The following RPL30 variants were observed in gnomAD, a reference collection of about 807,000 sequenced individuals.
The protein encoded by RPL30 is ribosomal protein L30.
For synonymous variants in RPL30, 40 were observed against 50.4 expected (o/e 0.79, Z 0.87); for missense variants, 60 against 138.0 (o/e 0.43, Z 2.83).
In RPL30 at chr8:98,045,325, G is replaced by C. The variant is rs764702613; in HGVS notation, c.21+22C>G. 8 of 1,614,094 alleles carry C rather than the reference G, an allele frequency of 5.0e-6. No homozygotes were observed. The Middle Eastern group carries it at 6.6e-4, about 133-fold the overall frequency. On this transcript the variant is annotated intron_variant, in intron 2 of 4. Coordinates refer to ENST00000287038, the MANE Select transcript of RPL30 (RefSeq NM_000989.4). Reference sequence around the variant, plus strand: ...CATCTCTCCACGTGAATCGTCTTCCGGGCCTGGCCCGCCTCACTCACCGTC... The same window carrying C: ...CATCTCTCCACGTGAATCGTCTTCCCGGCCTGGCCCGCCTCACTCACCGTC...
chr8:98,045,367 TCTTC>T lies in RPL30; in HGVS notation c.-4_-1del. 1 of 1,614,126 alleles carries T rather than the reference TCTTC, an allele frequency of 6.2e-7. No homozygotes were observed. Among genetic ancestry groups the T allele is most frequent in the Non-Finnish European group, 8.5e-7 (1 of 1,180,014 alleles). On this transcript the variant is annotated 5_prime_UTR_variant, in exon 2 of 5. Coordinates refer to ENST00000287038, the MANE Select transcript of RPL30 (RefSeq NM_000989.4). ...CTCACCGTCTTCTTTGCGGCCACCA[TCTTC>T]CTGCCTTAGGAGCGGGACGGCCCCC... is the stretch of plus-strand genomic sequence containing the variant.
chr8:98,045,169 G>GC, intron 2 of RPL30, 81 bp from the exon 3 acceptor site: 1 of 1,569,076 alleles, frequency 6.4e-7, no homozygotes, highest in Non-Finnish European at 8.7e-7. Context: ...TTGAAGCCGA[G>GC]CCCCTTAAAC....
rs1165592447 is a variant in RPL30, at chr8:98,044,279, C to G, written c.167+664G>C. 7 of 152,224 alleles carry G rather than the reference C, an allele frequency of 4.6e-5. No homozygotes were observed. In the East Asian group the frequency reaches 1.3e-3, roughly 29 times the overall value. 9.4% of individuals were successfully genotyped at this position (152,224 alleles called of 1,614,324 possible). ...GTTTCAAAGAATGGTTAGGGAAAAGCCGAACCCATGGGACAAGACAGAAAG... is the reference window on the plus strand; with the variant it reads ...GTTTCAAAGAATGGTTAGGGAAAAGGCGAACCCATGGGACAAGACAGAAAG... On this transcript the variant is annotated intron_variant, in intron 3 of 4. Transcript: ENST00000287038.
At chr8:98,045,159 T>C (rs1021613577) in intron 2 of RPL30, 71 bp from the exon 3 acceptor site, 5 of 1,577,124 alleles carry the variant, frequency 3.2e-6, no homozygotes, top group Admixed American at 3.7e-5. Flanking sequence ...ACCCAGCTTT[T>C]TGAAGCCGAG....
chr8:98,044,848 C>A lies in RPL30; in HGVS notation c.167+95G>T, dbSNP rs1814447324. 4 of 1,327,564 alleles carry A rather than the reference C, an allele frequency of 3.0e-6. No homozygotes were observed. The South Asian group carries it at 5.5e-5, about 18-fold the overall frequency. 82.2% of individuals were successfully genotyped at this position (1,327,564 alleles called of 1,614,324 possible). On this transcript the variant is annotated intron_variant, in intron 3 of 4. Coordinates refer to ENST00000287038, the MANE Select transcript of RPL30 (RefSeq NM_000989.4). ...CTACCGTAATTATCCTGCAAGTGTT[C>A]GAGTTCATGGTACTCAGATTACAAG...
In RPL30 at chr8:98,042,600, T is replaced by C. The variant is rs191992434; in HGVS notation, c.298+45A>G. On this transcript the variant is annotated intron_variant, in intron 4 of 4. Transcript: ENST00000287038. ...AGAAATACTTGTCCAGACATTACAT[T>C]AGAAAGGCAAAAAAAAAAAAGACTT... The C allele has an allele frequency of 8.2e-6, 12 of 1,470,400 alleles. No individual in the cohort carries two copies. The East Asian group carries it at 1.6e-4, about 20-fold the overall frequency. The allele number at this position is 1,470,400 out of a possible 1,614,324, so 91.1% of individuals were successfully genotyped here.
chr8:98,044,033 C>G (rs1042210921), intron 3 of RPL30: 2 of 152,264 alleles, frequency 1.3e-5, no homozygotes, highest in Non-Finnish European at 2.9e-5. Context: ...TTGCTTGAAC[C>G]TGGGAGGCAG....
At chr8:98,042,619 A>AAAG in intron 4 of RPL30, 26 bp downstream of exon 4, 1 of 1,591,332 alleles carries the variant, frequency 6.3e-7, no homozygotes. Flanking sequence ...AAAAAAAAAA[A>AAAG]AGACTTTATG....
At chr8:98,045,435 A>G (rs1814458942) in intron 1 of RPL30, 36 bp from the exon 2 acceptor site, 7 of 1,600,436 alleles carry the variant, frequency 4.4e-6, no homozygotes, top group Non-Finnish European at 6.0e-6. Context: ...GAATTTTAGG[A>G]TCCGGAGTTA....
rs550286257 is a variant in RPL30, at chr8:98,044,899, GA to G, written c.167+43del. The G allele has an allele frequency of 2.4e-5, 38 of 1,597,546 alleles. No homozygotes were observed. The South Asian group carries it at 3.9e-4, about 16-fold the overall frequency. On this transcript the variant is annotated intron_variant, in intron 3 of 4. Coordinates refer to ENST00000287038, the MANE Select transcript of RPL30 (RefSeq NM_000989.4). ...TTTACACTCCTGTATATTCGTTCAC[GA>G]TGAATTCGCGGTAGGCGAAGCCCGT...
intron 4 of RPL30, 37 bp downstream of exon 4, chr8:98,042,607 GC>G: frequency 7.5e-7 from 1 of 1,329,626 alleles, no homozygotes; most frequent in Non-Finnish European, 9.8e-7. Context: ...CATTAGAAAG[GC>G]AAAAAAAAAA....
intron 4 of RPL30, chr8:98,042,054 T>C (rs761926641): frequency 4.2e-6 from 3 of 715,634 alleles, no homozygotes; most frequent in Non-Finnish European, 7.6e-6. Context: ...AGCCATTATA[T>C]AATCACATAA....
At chr8:98,045,265 C>T (rs1423643761) in intron 2 of RPL30, 82 bp downstream of exon 2, 25 of 1,595,200 alleles carry the variant, frequency 1.6e-5, no homozygotes, top group Non-Finnish European at 2.1e-5. Flanking sequence ...ATGCTGTCAC[C>T]CCCGTGGGCT....
In RPL30 at chr8:98,044,952, G is replaced by A. The variant is rs750456218; in HGVS notation, c.158C>T (p.Pro53Leu). 5.6e-6 allele frequency: 9 copies of A among 1,613,236 alleles called. No individual in the cohort carries two copies. The highest frequency in any genetic ancestry group is 7.6e-6 in the Non-Finnish European group (9 of 1,179,926). Residue 53 changes from proline to leucine, a missense_variant, in exon 3 of 5, where the codon CCA becomes CTA. Pro to Leu is a moderately conservative substitution (Grantham distance 98). Coordinates refer to ENST00000287038, the MANE Select transcript of RPL30 (RefSeq NM_000989.4). Reference sequence around the variant, plus strand: ...CAGTCTCTTCGATTACCTCAAAGCTGGGCAGTTGTTAGCGAGAATGACCAA... The same window carrying A: ...CAGTCTCTTCGATTACCTCAAAGCTAGGCAGTTGTTAGCGAGAATGACCAA... ...AKLVILANNC[P>L]ALRKSEIEYY...
At chr8:98,042,159 T>C (rs751464177) in intron 4 of RPL30, 120 of 590,958 alleles carry the variant, frequency 2.0e-4, no homozygotes, top group Middle Eastern at 2.0e-3. Flanking sequence ...GGTCTTAATA[T>C]AGCGAATGTT....
chr8:98,043,095 T>G, intron 3 of RPL30: 1 of 176,392 alleles, frequency 5.7e-6, no homozygotes, highest in Non-Finnish European at 1.2e-5. Context: ...CCACATACTT[T>G]ATATTTCCAT....
chr8:98,045,457 C>T (rs1814459397), intron 1 of RPL30, 51 bp downstream of exon 1: 1 of 1,513,354 alleles, frequency 6.6e-7, no homozygotes, highest in South Asian at 1.1e-5. Context: ...AAATGGCAAC[C>T]CGCAAAGCTC....
chr8:98,044,828 G>A (rs968802364), intron 3 of RPL30, 115 bp downstream of exon 3: 5 of 1,188,536 alleles, frequency 4.2e-6, no homozygotes, highest in Non-Finnish European at 4.8e-6. Context: ...AATCGCTACC[G>A]TAATTATCCT....
intron 3 of RPL30, chr8:98,043,426 C>T (rs923589125): frequency 8.5e-5 from 6 of 70,736 alleles, no homozygotes; most frequent in Non-Finnish European, 1.8e-4. Flanking sequence ...GCACACAGCC[C>T]TATTCTTTTT....
Sources: allele counts gnomAD v4.1 joint callset, GRCh38; gene constraint gnomAD v4.1.1; transcripts MANE v1.5; gene names NCBI Gene and HGNC (gene_info 2026-07-23, HGNC 2026-07-21).